Variants in SCML4 observed in about 807,000 individuals in gnomAD.
SCML4 encodes the protein Scm polycomb group protein like 4, also known as sex comb on midleg-like protein 4.
SCML4 carries 34 observed loss-of-function variants against 41.1 expected under a neutral mutation model. That is an observed-to-expected ratio of 0.83 (90% confidence interval 0.63 to 1.10). The LOEUF (loss-of-function observed/expected upper bound fraction) is 1.10, where lower values mean the gene tolerates loss of function less well. Among genes scored for constraint, SCML4 ranks in the 50% least tolerant of loss-of-function variants. The probability of loss-of-function intolerance (pLI) is 0.00; values close to 1 mark genes in which losing one functional copy is unlikely to be tolerated. For missense variants in SCML4, 522 were observed against 534.1 expected, an observed-to-expected ratio of 0.98 and a Z score of 0.22; for synonymous variants, 214 against 220.9, an observed-to-expected ratio of 0.97 and a Z score of 0.28.
At chr6:107,793,875 G>A (rs573295563) in intron 1 of SCML4, among the ~76,000 whole-genome samples, 4 of 152,214 alleles carry the variant, frequency 2.6e-5, no homozygotes, top group African/African-American at 9.6e-5. Context: ...AGCCTGGGAG[G>A]TTTCAGTGAG....
intron 1 of SCML4, among the ~76,000 whole-genome samples, chr6:107,776,011 C>T (rs1352088743): frequency 1.3e-5 from 2 of 151,824 alleles, no homozygotes; most frequent in Non-Finnish European, 2.9e-5. Context: ...ATTCCCAACA[C>T]TTAAATATAC....
chr6:107,791,068 TAA>T (rs71274314), intron 1 of SCML4, among the ~76,000 whole-genome samples: 7,821 of 130,422 alleles, frequency 0.06, 636 homozygotes, highest in African/African-American at 0.2. Flanking sequence ...AGACTCCGTC[TAA>T]AAAAAAAAAA....
intron 1 of SCML4, 72 bp downstream of exon 1, chr6:107,824,054 C>A (rs1048188657): frequency 3.9e-5 from 6 of 152,144 alleles, no homozygotes; most frequent in African/African-American, 1.4e-4. Flanking sequence ...AAACAGGTAA[C>A]CTGTCATGCT....
At chr6:107,824,579 G>A (rs895333301), upstream of SCML4, among the ~76,000 whole-genome samples, 4 of 151,352 alleles carry the variant, frequency 2.6e-5, no homozygotes, top group African/African-American at 9.7e-5. Context: ...TTGTCGACAT[G>A]AGCTGCAAGG....
chr6:107,792,038 C>A (rs1246926588), intron 1 of SCML4, among the ~76,000 whole-genome samples: 2 of 152,132 alleles, frequency 1.3e-5, no homozygotes, highest in African/African-American at 4.8e-5. Context: ...GGGAGGGGAA[C>A]AAATAGGTGG....
At chr6:107,829,989 C>T in the SCML4 span, among the ~76,000 whole-genome samples, 5 of 152,162 alleles carry the variant, frequency 3.3e-5, no homozygotes, top group African/African-American at 9.7e-5. Context: ...GAGTCCAAAG[C>T]CTGCTCCCAC....
intron 6 of SCML4, among the ~76,000 whole-genome samples, chr6:107,718,121 T>A (rs1246144524): frequency 1.4e-4 from 22 of 152,202 alleles, no homozygotes; most frequent in Non-Finnish European, 1.5e-5. Context: ...CAGGGCCTGA[T>A]TCCAGGATGA....
At chr6:107,724,312 A>G (rs188238184) in intron 5 of SCML4, among the ~76,000 whole-genome samples, 82 of 152,326 alleles carry the variant, frequency 5.4e-4, no homozygotes, top group Admixed American at 5.2e-3. Context: ...AGCCAGTGCA[A>G]TTAGGTTAAG....
At chr6:107,772,124 G>A (rs9480798) in intron 2 of SCML4, 48 bp downstream of exon 2, 1,485,101 of 1,500,180 alleles carry the variant, frequency 0.99, 735,656 homozygotes, top group Non-Finnish European at 1. Context: ...CCAAGTACCC[G>A]TGCCCCAGCC....
At chr6:107,761,585 C>T (rs951647492) in intron 2 of SCML4, among the ~76,000 whole-genome samples, 28 of 151,862 alleles carry the variant, frequency 1.8e-4, no homozygotes, top group African/African-American at 5.8e-4. Flanking sequence ...TACAGGCAGG[C>T]GCTACCATGC....
chr6:107,754,415 C>T (rs1051093319), intron 2 of SCML4, among the ~76,000 whole-genome samples: 1 of 152,178 alleles, frequency 6.6e-6, no homozygotes, highest in African/African-American at 2.4e-5. Context: ...AGGGTGGCGG[C>T]TGCCATGCCT....
At chr6:107,829,088 A>T (rs561351915), upstream of SCML4, among the ~76,000 whole-genome samples, 13 of 152,336 alleles carry the variant, frequency 8.5e-5, no homozygotes, top group South Asian at 2.7e-3. Context: ...AAAACTAATG[A>T]TTTACAAAAT....
In SCML4 at chr6:107,759,973, C is replaced by G. The variant is rs2114536858; in HGVS notation, c.157-10160G>C. ...CTGCCAACTCGCACGGGACTCTGAG[C>G]AACTCACTCAGCTCCTCTAAGCTTC... On this transcript the variant is annotated intron_variant, in intron 2 of 7. Transcript: ENST00000369020. Among the ~76,000 whole-genome samples the G allele has an allele frequency of 1.3e-5, 2 of 152,290 alleles. 1 individual carries two copies. Among genetic ancestry groups the G allele is most frequent in the South Asian group, 4.2e-4 (2 of 4,814 alleles).
At chr6:107,756,753 G>T (rs1242855496) in intron 2 of SCML4, among the ~76,000 whole-genome samples, 4 of 152,114 alleles carry the variant, frequency 2.6e-5, no homozygotes, top group Admixed American at 6.5e-5. Context: ...TCTGTAAACT[G>T]AAAACTATTC....
At chr6:107,721,128 C>A in intron 5 of SCML4, 135 bp from the exon 6 acceptor site, 1 of 1,125,192 alleles carries the variant, frequency 8.9e-7, no homozygotes, top group South Asian at 1.9e-5. Context: ...GAGAAATGAA[C>A]CTCACAACAT....
intron 1 of SCML4, among the ~76,000 whole-genome samples, chr6:107,780,170 T>C (rs887956043): frequency 6.6e-6 from 1 of 152,174 alleles, no homozygotes; most frequent in African/African-American, 2.4e-5. Flanking sequence ...TGCCTTTGTA[T>C]TTTAAATCTT....
At chr6:107,762,283 A>G (rs1779662100) in intron 2 of SCML4, among the ~76,000 whole-genome samples, 1 of 152,198 alleles carries the variant, frequency 6.6e-6, no homozygotes, top group Non-Finnish European at 1.5e-5. Context: ...AAATTAAATA[A>G]TAAAAAATAA....
intron 1 of SCML4, among the ~76,000 whole-genome samples, chr6:107,820,967 A>G (rs1430869060): frequency 2.0e-5 from 3 of 152,224 alleles, no homozygotes; most frequent in Admixed American, 6.5e-5. Flanking sequence ...TGGTCTGTGG[A>G]CCACGTTGGA....
At chr6:107,755,851 A>G (rs1438351185) in intron 2 of SCML4, among the ~76,000 whole-genome samples, 1 of 152,224 alleles carries the variant, frequency 6.6e-6, no homozygotes, top group Non-Finnish European at 1.5e-5. Flanking sequence ...AATGCCAGAA[A>G]GTAAGACAAC....
Sources: gnomAD v4.1 joint callset for allele counts (sites outside exome capture counted in the v4.1 genomes callset) on GRCh38, gnomAD v4.1.1 for gene constraint, MANE v1.5 for transcripts, NCBI Gene and HGNC (gene_info 2026-07-23, HGNC 2026-07-21) for gene names.